The following SKAP1 variants were observed in gnomAD, a reference collection of about 807,000 sequenced individuals.
SKAP1 encodes src kinase-associated phosphoprotein 1.
In SKAP1, 44 loss-of-function variants were observed where a neutral mutation model predicts 58.5. The ratio of observed to expected loss-of-function variants is 0.75; its 90% CI spans 0.59 to 0.97. SKAP1 has a LOEUF of 0.97. Ranked by LOEUF, SKAP1 falls within the 50% of genes least tolerant of loss-of-function variation. The probability of loss-of-function intolerance (pLI) is 0.00; values close to 1 mark genes in which losing one functional copy is unlikely to be tolerated. For missense variants in SKAP1, 390 were observed against 435.2 expected (o/e 0.90, Z 0.92); for synonymous variants, 127 against 149.7 (o/e 0.85, Z 1.11).
chr17:48,170,224 C>T (rs2064189502), intron 10 of SKAP1, among the ~76,000 whole-genome samples: 1 of 152,206 alleles, frequency 6.6e-6, no homozygotes, highest in African/African-American at 2.4e-5. Context: ...TCTGAACTTG[C>T]AATCTCCGGG....
intron 4 of SKAP1, among the ~76,000 whole-genome samples, chr17:48,279,299 T>G (rs2065739316): frequency 6.6e-6 from 1 of 152,166 alleles, no homozygotes; most frequent in Admixed American, 6.5e-5. Flanking sequence ...AAATGTGTAA[T>G]AAAATTCACC....
intron 1 of SKAP1, among the ~76,000 whole-genome samples, chr17:48,421,745 T>C (rs1392442752): frequency 6.6e-6 from 1 of 152,132 alleles, no homozygotes; most frequent in Non-Finnish European, 1.5e-5. Context: ...AACTGAAACA[T>C]CAGGGTAGAA....
intron 3 of SKAP1, among the ~76,000 whole-genome samples, chr17:48,357,629 C>CAAAAAAAAAAAAAA (rs201907150): frequency 6.7e-6 from 1 of 148,438 alleles, no homozygotes; most frequent in African/African-American, 2.5e-5. Context: ...GACTCTGTCT[C>CAAAAAAAAAAAAAA]AGAAAAAAAG....
intron 2 of SKAP1, among the ~76,000 whole-genome samples, chr17:48,382,783 T>C (rs1276009808): frequency 6.6e-6 from 1 of 152,206 alleles, no homozygotes; most frequent in Admixed American, 6.5e-5. Context: ...AGGAAACCAT[T>C]GAACAGGTCT....
At chr17:48,293,030 CTTAA>C (rs1158783734) in intron 4 of SKAP1, among the ~76,000 whole-genome samples, 4 of 152,182 alleles carry the variant, frequency 2.6e-5, no homozygotes, top group Non-Finnish European at 4.4e-5. Flanking sequence ...CGTCGTAAAA[CTTAA>C]TTAAAGGCTC....
intron 3 of SKAP1, among the ~76,000 whole-genome samples, chr17:48,351,694 G>T (rs1365628459): frequency 6.6e-6 from 1 of 152,092 alleles, no homozygotes; most frequent in Non-Finnish European, 1.5e-5. Flanking sequence ...TTTACTGTTT[G>T]CTAATTATGT....
At chr17:48,275,995 G>A (rs1465138399) in intron 4 of SKAP1, among the ~76,000 whole-genome samples, 1 of 152,024 alleles carries the variant, frequency 6.6e-6, no homozygotes, top group African/African-American at 2.4e-5. Context: ...TATAAGAAGG[G>A]GGAGGGTCTG....
chr17:48,134,466 C>T (rs762878408), intron 12 of SKAP1, among the ~76,000 whole-genome samples: 8 of 151,932 alleles, frequency 5.3e-5, no homozygotes, highest in African/African-American at 1.2e-4. Flanking sequence ...TACAGGCGCC[C>T]GCCACCACGC....
chr17:48,441,667 C>G, the SKAP1 span, among the ~76,000 whole-genome samples: 8 of 152,286 alleles, frequency 5.3e-5, no homozygotes, highest in African/African-American at 1.7e-4. Flanking sequence ...GAGTATAAAC[C>G]TGATTGCTCA....
intron 4 of SKAP1, among the ~76,000 whole-genome samples, chr17:48,313,743 C>A (rs980666016): frequency 6.6e-6 from 1 of 152,132 alleles, no homozygotes; most frequent in African/African-American, 2.4e-5. Context: ...GATTCAGACT[C>A]TCTCCTAATA....
chr17:48,358,237 T>A (rs1481785468), intron 3 of SKAP1, among the ~76,000 whole-genome samples: 1 of 152,218 alleles, frequency 6.6e-6, no homozygotes, highest in East Asian at 1.9e-4. Context: ...CTTATGACTG[T>A]GCTAAAACCT....
chr17:48,290,680 G>A (rs924580054), intron 4 of SKAP1, among the ~76,000 whole-genome samples: 1 of 152,150 alleles, frequency 6.6e-6, no homozygotes, highest in Non-Finnish European at 1.5e-5. Context: ...TGAAGGCAGG[G>A]TTTTCCACTG....
At chr17:48,158,965 G>GAAAAAA (rs34145165) in intron 11 of SKAP1, among the ~76,000 whole-genome samples, 1 of 131,392 alleles carries the variant, frequency 7.6e-6, no homozygotes, top group East Asian at 2.1e-4. Flanking sequence ...TTCTCAAAAA[G>GAAAAAA]AAAAAAAAAA....
intron 4 of SKAP1, among the ~76,000 whole-genome samples, chr17:48,289,294 C>T (rs1341381685): frequency 1.3e-5 from 2 of 151,732 alleles, no homozygotes; most frequent in Non-Finnish European, 2.9e-5. Flanking sequence ...AAACATGTTT[C>T]CTTATGAAAT....
At chr17:48,314,621 C>T (rs960529492) in intron 4 of SKAP1, among the ~76,000 whole-genome samples, 8 of 152,098 alleles carry the variant, frequency 5.3e-5, no homozygotes, top group African/African-American at 1.9e-4. Context: ...TTTATGGTGT[C>T]AATTGTTACT....
At chr17:48,425,041 T>C (rs1352707710) in intron 1 of SKAP1, among the ~76,000 whole-genome samples, 1 of 151,790 alleles carries the variant, frequency 6.6e-6, no homozygotes, top group Non-Finnish European at 1.5e-5. Flanking sequence ...AGGCAGATCA[T>C]GAGGTCAGGA....
At chr17:48,314,318 A>G (rs1255984868) in intron 4 of SKAP1, among the ~76,000 whole-genome samples, 1 of 152,196 alleles carries the variant, frequency 6.6e-6, no homozygotes, top group Non-Finnish European at 1.5e-5. Context: ...GGTAGAAGGG[A>G]CAAAAGACTT....
chr17:48,238,883 T>C (rs1246826546), intron 4 of SKAP1, among the ~76,000 whole-genome samples: 1 of 152,192 alleles, frequency 6.6e-6, no homozygotes, highest in Non-Finnish European at 1.5e-5. Context: ...TAGGTTATTT[T>C]GGCCCTGTCA....
intron 1 of SKAP1, among the ~76,000 whole-genome samples, chr17:48,411,638 T>C (rs759890965): frequency 6.6e-6 from 1 of 152,138 alleles, no homozygotes; most frequent in Non-Finnish European, 1.5e-5. Context: ...AGCCAGGTGA[T>C]CAAAGTCAAC....
Sources: allele counts gnomAD v4.1 joint callset (sites outside exome capture counted in the v4.1 genomes callset), GRCh38; gene constraint gnomAD v4.1.1; transcripts MANE v1.5; gene names NCBI Gene and HGNC (gene_info 2026-07-23, HGNC 2026-07-21).